Variants in PHACTR1 observed in about 807,000 individuals in gnomAD.
PHACTR1 encodes phosphatase and actin regulator 1, also known as RPEL repeat containing 1.
PHACTR1 carries 16 observed loss-of-function variants against 69.2 expected under a neutral mutation model. The ratio of observed to expected loss-of-function variants is 0.23; its 90% confidence interval spans 0.16 to 0.35. PHACTR1 has a LOEUF of 0.35. Among genes scored for constraint, PHACTR1 ranks in the 10% least tolerant of loss-of-function variants. The probability of loss-of-function intolerance (pLI) is 1.00; values close to 1 mark genes in which losing one functional copy is unlikely to be tolerated. For missense variants in PHACTR1, 510 were observed against 734.7 expected (o/e 0.69, Z 3.54); for synonymous variants, 312 against 284.5 (o/e 1.10, Z -0.97).
intron 14 of PHACTR1, among the ~76,000 whole-genome samples, chr6:13,286,505 G>A (rs538014125): frequency 6.6e-6 from 1 of 152,334 alleles, no homozygotes; most frequent in South Asian, 2.1e-4. Context: ...GTGGGTTTTT[G>A]TGAAAACTTA....
At chr6:13,173,998 A>C (rs1561940401) in intron 6 of PHACTR1, among the ~76,000 whole-genome samples, 1 of 152,178 alleles carries the variant, frequency 6.6e-6, no homozygotes, top group East Asian at 1.9e-4. Flanking sequence ...TTTTCCATTG[A>C]AAACAATAGC....
chr6:12,749,396 T>G, intron 3 of PHACTR1: 1 of 563,202 alleles, frequency 1.8e-6, no homozygotes, highest in Non-Finnish European at 3.5e-6. Flanking sequence ...GATAGCCTGA[T>G]CTCTGCTCCA....
intron 4 of PHACTR1, among the ~76,000 whole-genome samples, chr6:12,881,340 T>C (rs1783076076): frequency 6.6e-6 from 1 of 152,152 alleles, no homozygotes; most frequent in Non-Finnish European, 1.5e-5. Flanking sequence ...GAGCTGATTT[T>C]TGTGGAAGGG....
intron 4 of PHACTR1, among the ~76,000 whole-genome samples, chr6:12,801,314 T>A (rs1441700754): frequency 6.6e-6 from 1 of 152,212 alleles, no homozygotes; most frequent in Non-Finnish European, 1.5e-5. Flanking sequence ...TGGTCAACAG[T>A]GGCCACGTGC....
chr6:13,190,916 C>T (rs1763487391), intron 7 of PHACTR1, among the ~76,000 whole-genome samples: 1 of 152,150 alleles, frequency 6.6e-6, no homozygotes, highest in Non-Finnish European at 1.5e-5. Context: ...TTTTCAGCCC[C>T]AGCATGTGTA....
chr6:13,155,278 C>A (rs1402049050), intron 5 of PHACTR1, among the ~76,000 whole-genome samples: 1 of 152,200 alleles, frequency 6.6e-6, no homozygotes, highest in Admixed American at 6.5e-5. Flanking sequence ...TTCAATCATG[C>A]AGACCCTTTC....
chr6:13,115,260 T>A (rs191642865), intron 5 of PHACTR1, among the ~76,000 whole-genome samples: 4 of 152,296 alleles, frequency 2.6e-5, no homozygotes, highest in African/African-American at 9.6e-5. Flanking sequence ...GGTTGAAGAC[T>A]TACATATCTC....
intron 5 of PHACTR1, among the ~76,000 whole-genome samples, chr6:13,093,081 C>A (rs567179836): frequency 2.0e-5 from 3 of 152,066 alleles, no homozygotes; most frequent in African/African-American, 7.2e-5. Context: ...TCAGTCCAAG[C>A]GTGATTTGCA....
chr6:13,111,423 C>A (rs1561844991), intron 5 of PHACTR1, among the ~76,000 whole-genome samples: 1 of 152,054 alleles, frequency 6.6e-6, no homozygotes, highest in Non-Finnish European at 1.5e-5. Context: ...TAAATTCTGT[C>A]AAGTTAAAAT....
At chr6:13,057,713 T>G (rs1472874858) in intron 5 of PHACTR1, among the ~76,000 whole-genome samples, 2 of 152,186 alleles carry the variant, frequency 1.3e-5, no homozygotes, top group Non-Finnish European at 2.9e-5. Context: ...TGTATAGCAA[T>G]AAGAAAACTA....
chr6:13,127,954 A>C (rs1457788211), intron 5 of PHACTR1, among the ~76,000 whole-genome samples: 2 of 152,004 alleles, frequency 1.3e-5, no homozygotes, highest in East Asian at 3.9e-4. Flanking sequence ...CAGCAAACTT[A>C]CAATCATGGC....
chr6:12,920,074 C>T (rs1317428120), intron 4 of PHACTR1, among the ~76,000 whole-genome samples: 1 of 152,134 alleles, frequency 6.6e-6, no homozygotes, highest in Non-Finnish European at 1.5e-5. Flanking sequence ...AATATTTTGC[C>T]TGAAATACAT....
intron 7 of PHACTR1, among the ~76,000 whole-genome samples, chr6:13,197,643 C>T (rs928649321): frequency 2.0e-5 from 3 of 152,032 alleles, no homozygotes; most frequent in African/African-American, 7.2e-5. Flanking sequence ...GTGTGCTGCA[C>T]CCATTAACTG....
intron 4 of PHACTR1, among the ~76,000 whole-genome samples, chr6:12,812,706 C>T (rs60890546): frequency 5.3e-5 from 8 of 152,184 alleles, no homozygotes; most frequent in African/African-American, 9.7e-5. Context: ...GTTAGTGATT[C>T]GAGCACAACA....
chr6:13,089,527 A>G (rs969178905), intron 5 of PHACTR1, among the ~76,000 whole-genome samples: 2 of 152,194 alleles, frequency 1.3e-5, no homozygotes, highest in Non-Finnish European at 2.9e-5. Context: ...TTTTTTGGGT[A>G]GAATTGCAGC....
Position 13,287,656 on chromosome 6 carries a change from CCACA to C in PHACTR1, c.*581_*584del, listed in dbSNP as rs985776591. 1 of 152,758 alleles carries C rather than the reference CCACA, an allele frequency of 6.5e-6. No individual in the cohort carries two copies. Among genetic ancestry groups the C allele is most frequent in the Non-Finnish European group, 1.5e-5 (1 of 68,462 alleles). The allele number at this position is 152,758 out of a possible 1,614,324, so 9.5% of individuals were successfully genotyped here. A position where few individuals can be genotyped will look rare whatever the true frequency, so the allele number is the denominator to read the frequency against. On this transcript the variant is annotated 3_prime_UTR_variant, in exon 15 of 15. Coordinates refer to ENST00000332995, the MANE Select transcript of PHACTR1 (RefSeq NM_030948.6). ...GCTTTTCCCTCCTTTCAGCCACCAC[CCACA>C]CAATGAACAAAAGGGAAGGGCCCAT...
At chr6:12,894,242 T>G (rs1784432021) in intron 4 of PHACTR1, among the ~76,000 whole-genome samples, 1 of 152,224 alleles carries the variant, frequency 6.6e-6, no homozygotes, top group African/African-American at 2.4e-5. Flanking sequence ...CTAGGAGAAT[T>G]AATGTAATTA....
intron 3 of PHACTR1, among the ~76,000 whole-genome samples, chr6:12,742,607 C>A (rs776577168): frequency 1.3e-5 from 2 of 152,120 alleles, no homozygotes; most frequent in African/African-American, 4.8e-5. Flanking sequence ...TTTTACCCAG[C>A]CCTTATTCAA....
At chr6:12,948,919 A>G (rs1031891447) in intron 4 of PHACTR1, among the ~76,000 whole-genome samples, 1 of 152,200 alleles carries the variant, frequency 6.6e-6, no homozygotes, top group Admixed American at 6.5e-5. Context: ...ATAAATTTTT[A>G]TAACAGACAT....
Sources: allele counts gnomAD v4.1 joint callset (sites outside exome capture counted in the v4.1 genomes callset), GRCh38; gene constraint gnomAD v4.1.1; transcripts MANE v1.5; gene names NCBI Gene and HGNC (gene_info 2026-07-23, HGNC 2026-07-21).